The following RELL1 variants were observed in gnomAD, a reference collection of about 807,000 sequenced individuals.
The protein encoded by RELL1 is RELT like 1, also known as RELT-like protein 1.
Under a neutral mutation model 23.0 loss-of-function variants are expected in RELL1, and 10 were observed. That is an observed-to-expected ratio of 0.43 (90% confidence interval 0.27 to 0.74). RELL1 has a LOEUF of 0.74. Among genes scored for constraint, RELL1 ranks in the 30% least tolerant of loss-of-function variants. RELL1 has a pLI of 0.19. For synonymous variants in RELL1, 146 were observed against 146.8 expected, an observed-to-expected ratio of 0.99 and a Z score of 0.04; for missense variants, 315 against 364.4, an observed-to-expected ratio of 0.86 and a Z score of 1.10.
At chr4:37,653,768 A>T (rs3849019) in intron 1 of RELL1, among the ~76,000 whole-genome samples, 75,432 of 151,966 alleles carry the variant, frequency 0.5, 19,462 homozygotes, top group Middle Eastern at 0.59. Flanking sequence ...GACAACTTCC[A>T]CTTCCTGTTT....
intron 1 of RELL1, among the ~76,000 whole-genome samples, chr4:37,669,115 C>T (rs1357365518): frequency 7.4e-6 from 1 of 134,586 alleles, no homozygotes; most frequent in Admixed American, 7.0e-5. Context: ...GCGCCTCTGC[C>T]CGGCCGCCCC....
intron 6 of RELL1, chr4:37,591,906 A>G (rs1718625495): frequency 1.3e-5 from 2 of 152,152 alleles, no homozygotes; most frequent in Admixed American, 6.5e-5. Flanking sequence ...GTTACTTTCA[A>G]TGTAAAGAAC....
At chr4:37,593,175 C>T (rs1441568479) in intron 6 of RELL1, among the ~76,000 whole-genome samples, 1 of 152,174 alleles carries the variant, frequency 6.6e-6, no homozygotes, top group South Asian at 2.1e-4. Context: ...TTTCAGAATG[C>T]TTATTCCTTC....
chr4:37,659,670 G>C (rs538387411), intron 1 of RELL1, among the ~76,000 whole-genome samples: 10 of 151,774 alleles, frequency 6.6e-5, no homozygotes, highest in Admixed American at 2.6e-4. Context: ...TGAAAAATTA[G>C]AAGCAGGAGC....
intron 6 of RELL1, among the ~76,000 whole-genome samples, chr4:37,601,597 G>A (rs1477930483): frequency 2.0e-5 from 3 of 152,198 alleles, no homozygotes; most frequent in Non-Finnish European, 4.4e-5. Context: ...TTCTCCTGAA[G>A]CAATAAAAGG....
At chr4:37,671,545 A>G (rs1407768054) in intron 1 of RELL1, among the ~76,000 whole-genome samples, 1 of 152,214 alleles carries the variant, frequency 6.6e-6, no homozygotes, top group Non-Finnish European at 1.5e-5. Flanking sequence ...CACCAGCACC[A>G]TGACAGTTTA....
intron 1 of RELL1, among the ~76,000 whole-genome samples, chr4:37,666,714 A>G (rs899282623): frequency 6.6e-6 from 1 of 152,166 alleles, no homozygotes; most frequent in Non-Finnish European, 1.5e-5. Flanking sequence ...GTGAGCAGCG[A>G]CCACACAGCA....
At chr4:37,623,326 T>G (rs1033634749) in intron 6 of RELL1, 1 of 156,844 alleles carries the variant, frequency 6.4e-6, no homozygotes, top group Non-Finnish European at 1.4e-5. Context: ...TGATCAGTTC[T>G]GTGAGCTATT....
downstream of RELL1, among the ~76,000 whole-genome samples, chr4:37,609,805 T>G (rs1719319251): frequency 6.6e-6 from 1 of 152,174 alleles, no homozygotes; most frequent in Non-Finnish European, 1.5e-5. Context: ...ATTGCTGCCA[T>G]CTCATGATAA....
chr4:37,663,439 C>A (rs1297995883), intron 1 of RELL1, among the ~76,000 whole-genome samples: 1 of 152,198 alleles, frequency 6.6e-6, no homozygotes, highest in East Asian at 1.9e-4. Flanking sequence ...AGCAACAGGG[C>A]TTCAGAAATC....
At position 37,669,170 on chromosome 4, in the gene RELL1, C is replaced by T. The variant is rs1298255181; in HGVS notation, c.88+17030G>A. Among the ~76,000 whole-genome samples the T allele has an allele frequency of 4.2e-3, 233 of 55,000 alleles. 5 individuals are homozygous for T. The highest frequency in any genetic ancestry group is 0.029 in the Admixed American group (204 of 6,976). 36.1% of individuals were successfully genotyped at this position (55,000 alleles called of 152,430 possible). A position where few individuals can be genotyped will look rare whatever the true frequency, so the allele number is the denominator to read the frequency against. On this transcript the variant is annotated intron_variant, in intron 1 of 6. Transcript: ENST00000454158. ...CCTCTGCCCGGCCAGCCGCCCCGTC[C>T]GGGAGGGAGGTGGGGGGGGGGGTCA...
At chr4:37,632,203 C>G (rs368647408) in intron 5 of RELL1, among the ~76,000 whole-genome samples, 1 of 146,538 alleles carries the variant, frequency 6.8e-6, no homozygotes, top group Non-Finnish European at 1.5e-5. Flanking sequence ...CAGAGTTTCC[C>G]TCTTGCTGCC....
At chr4:37,671,474 G>A (rs899607141) in intron 1 of RELL1, among the ~76,000 whole-genome samples, 1 of 152,132 alleles carries the variant, frequency 6.6e-6, no homozygotes, top group Non-Finnish European at 1.5e-5. Context: ...AGTGACCTCT[G>A]GTTATCCTTA....
chr4:37,588,952 G>T, downstream of RELL1: 1 of 1,401,146 alleles, frequency 7.1e-7, no homozygotes, highest in South Asian at 1.2e-5. Flanking sequence ...ATGAGCGTGG[G>T]GTCACTTTTA....
At chr4:37,643,356 A>G (rs1208310080) in intron 3 of RELL1, among the ~76,000 whole-genome samples, 1 of 152,244 alleles carries the variant, frequency 6.6e-6, no homozygotes, top group Non-Finnish European at 1.5e-5. Flanking sequence ...TCCAACATTA[A>G]AGACATAATG....
chr4:37,642,398 G>A (rs1220934559), intron 3 of RELL1, among the ~76,000 whole-genome samples: 1 of 152,148 alleles, frequency 6.6e-6, no homozygotes, highest in Non-Finnish European at 1.5e-5. Context: ...TCCATACAAT[G>A]CAAGAAAACT....
chr4:37,632,184 T>G (rs1323592423), intron 5 of RELL1, among the ~76,000 whole-genome samples: 1 of 151,924 alleles, frequency 6.6e-6, no homozygotes, highest in Non-Finnish European at 1.5e-5. Context: ...TGTTTATTTG[T>G]TTTCGAGACA....
At position 37,604,810 on chromosome 4, in the gene RELL1, G is replaced by GACACACACACAGACAC. The variant is rs1553871520; in HGVS notation, c.*4-13609_*4-13594dup. On this transcript the variant is annotated intron_variant, in intron 6 of 6. Coordinates refer to the RELL1 transcript ENST00000314117. ...AGACACACACACAGACACACACACA[G>GACACACACACAGACAC]ACACACACACAGACACACACATACA... Among the ~76,000 whole-genome samples the GACACACACACAGACAC allele has an allele frequency of 4.4e-3, 323 of 73,610 alleles. 27 individuals carry two copies. The highest frequency in any genetic ancestry group is 0.015 in the South Asian group (32 of 2,142). The allele number at this position is 73,610 out of a possible 152,430, so 48.3% of individuals were successfully genotyped here. A position where few individuals can be genotyped will look rare whatever the true frequency, so the allele number is the denominator to read the frequency against.
At chr4:37,679,965 A>G (rs1471119894) in intron 1 of RELL1, among the ~76,000 whole-genome samples, 1 of 152,172 alleles carries the variant, frequency 6.6e-6, no homozygotes, top group Non-Finnish European at 1.5e-5. Context: ...AAAAAAATTA[A>G]AAACCTCACA....
Sources: gnomAD v4.1 joint callset for allele counts (sites outside exome capture counted in the v4.1 genomes callset) on GRCh38, gnomAD v4.1.1 for gene constraint, MANE v1.5 for transcripts, NCBI Gene and HGNC (gene_info 2026-07-23, HGNC 2026-07-21) for gene names.